GBE1: variants seen among roughly 807,000 people sequenced by gnomAD.
GBE1 encodes 1,4-alpha-glucan branching enzyme 1.
GBE1 carries 70 observed loss-of-function variants against 88.8 expected under a neutral mutation model. The observed-to-expected ratio is 0.79, with a 90% CI of 0.65 to 0.96. The LOEUF (loss-of-function observed/expected upper bound fraction) is 0.96, where lower values mean the gene tolerates loss of function less well. Among genes scored for constraint, GBE1 ranks in the 40% least tolerant of loss-of-function variants. The pLI is 0.00. For synonymous variants in GBE1, 284 were observed against 300.1 expected (o/e 0.95, Z 0.56); for missense variants, 872 against 871.0 (o/e 1.00, Z -0.01).
At chr3:81,735,132 TC>T (rs1187326636) in intron 1 of GBE1, among the ~76,000 whole-genome samples, 1 of 152,128 alleles carries the variant, frequency 6.6e-6, no homozygotes, top group African/African-American at 2.4e-5. Context: ...TTGGAACATA[TC>T]CCCCATGGAC....
chr3:81,606,876 T>A (rs1400550055), intron 7 of GBE1, among the ~76,000 whole-genome samples: 2 of 152,222 alleles, frequency 1.3e-5, no homozygotes, highest in Non-Finnish European at 2.9e-5. Context: ...ATTTTTAAAT[T>A]GATTATCAAT....
intron 12 of GBE1, among the ~76,000 whole-genome samples, chr3:81,570,696 A>G (rs1168758688): frequency 6.6e-6 from 1 of 152,200 alleles, no homozygotes; most frequent in Non-Finnish European, 1.5e-5. Context: ...AGGATGTTAT[A>G]GGCCTTCATA....
At chr3:81,648,005 A>G (rs1704790540) in intron 5 of GBE1, among the ~76,000 whole-genome samples, 1 of 152,072 alleles carries the variant, frequency 6.6e-6, no homozygotes, top group Admixed American at 6.6e-5. Flanking sequence ...ATAATAATTT[A>G]GCATAATATC....
chr3:81,636,526 T>C (rs1704593720), intron 7 of GBE1, among the ~76,000 whole-genome samples: 2 of 151,482 alleles, frequency 1.3e-5, no homozygotes, highest in East Asian at 3.9e-4. Flanking sequence ...CCATCATTTG[T>C]TTTTTGGCTT....
At chr3:81,702,064 A>G (rs1705695969) in intron 2 of GBE1, among the ~76,000 whole-genome samples, 1 of 151,140 alleles carries the variant, frequency 6.6e-6, no homozygotes, top group South Asian at 2.1e-4. Flanking sequence ...TAAGGGAAAA[A>G]TAAAATACAG....
chr3:81,636,007 T>C (rs1057281564), intron 7 of GBE1, among the ~76,000 whole-genome samples: 19 of 152,160 alleles, frequency 1.2e-4, no homozygotes, highest in African/African-American at 4.1e-4. Flanking sequence ...AGGCAGATAA[T>C]ACCAGGAACA....
At chr3:81,491,330 C>A (rs1169774865) in intron 15 of GBE1, among the ~76,000 whole-genome samples, 1 of 152,154 alleles carries the variant, frequency 6.6e-6, no homozygotes, top group Non-Finnish European at 1.5e-5. Context: ...GGTTTACCAT[C>A]TGTTTCCCTC....
At chr3:81,616,767 G>A (rs1323480985) in intron 7 of GBE1, among the ~76,000 whole-genome samples, 2 of 152,018 alleles carry the variant, frequency 1.3e-5, no homozygotes, top group African/African-American at 4.8e-5. Context: ...GTCTTAAACA[G>A]CTTTTGATTT....
chr3:81,521,086 T>C (rs933832857), intron 14 of GBE1, among the ~76,000 whole-genome samples: 4 of 151,496 alleles, frequency 2.6e-5, no homozygotes, highest in African/African-American at 9.7e-5. Context: ...TCCAACAGTT[T>C]TTGGGATGGC....
intron 7 of GBE1, among the ~76,000 whole-genome samples, chr3:81,626,191 A>G (rs1354374846): frequency 6.6e-6 from 1 of 152,222 alleles, no homozygotes; most frequent in Non-Finnish European, 1.5e-5. Flanking sequence ...TCCACTCACT[A>G]GCTCAAGCTA....
At chr3:81,540,555 T>C (rs955567137) in intron 12 of GBE1, among the ~76,000 whole-genome samples, 2 of 152,054 alleles carry the variant, frequency 1.3e-5, no homozygotes. Flanking sequence ...CAAGGATGAA[T>C]CCAAAGGGTT....
chr3:81,748,617 A>C (rs957279770), intron 1 of GBE1, among the ~76,000 whole-genome samples: 3 of 152,038 alleles, frequency 2.0e-5, no homozygotes, highest in East Asian at 1.9e-4. Context: ...CTGTCTCAAA[A>C]AACAACAACA....
At chr3:81,697,407 C>T (rs1427591171) in intron 2 of GBE1, among the ~76,000 whole-genome samples, 3 of 151,182 alleles carry the variant, frequency 2.0e-5, no homozygotes, top group Non-Finnish European at 4.4e-5. Flanking sequence ...TCAAGCGATT[C>T]TCCTGCCTCA....
chr3:81,526,750 C>T (rs1207783124), intron 14 of GBE1, among the ~76,000 whole-genome samples: 3 of 152,112 alleles, frequency 2.0e-5, no homozygotes, highest in Admixed American at 6.5e-5. Context: ...ACATTCCCTG[C>T]TCATGGGTAG....
chr3:81,631,958 T>C, intron 7 of GBE1, among the ~76,000 whole-genome samples: 1 of 152,068 alleles, frequency 6.6e-6, no homozygotes, highest in East Asian at 1.9e-4. Flanking sequence ...TCCCTCCCCT[T>C]GTCTCCCACC....
chr3:81,497,529 T>G (rs575570780), intron 15 of GBE1, among the ~76,000 whole-genome samples: 1 of 152,234 alleles, frequency 6.6e-6, no homozygotes, highest in African/African-American at 2.4e-5. Context: ...AAAGTTAAAT[T>G]AATCAATTTC....
At chr3:81,564,811 GTCTC>G (rs1703469981) in intron 12 of GBE1, among the ~76,000 whole-genome samples, 1 of 152,066 alleles carries the variant, frequency 6.6e-6, no homozygotes, top group Non-Finnish European at 1.5e-5. Flanking sequence ...AGGTCAATCT[GTCTC>G]TCTCAATCTT....
Position 81,586,097 on chromosome 3 carries a change from T to G in GBE1, c.1330A>C (p.Ile444Leu). The change falls in exon 10 of 16, where the codon ATT becomes CTT. Residue 444 changes from isoleucine to leucine, a missense_variant. Coordinates refer to ENST00000429644, the MANE Select transcript of GBE1 (RefSeq NM_000158.4). ...RLAMAIPDKW[I>L]QLLKEFKDED... ...ATATTTACATGGACTCTTACCTGAATCCACTTATCTGGAATTGCCATGGCT... is the reference window on the plus strand; with the variant it reads ...ATATTTACATGGACTCTTACCTGAAGCCACTTATCTGGAATTGCCATGGCT... 1 of 1,596,626 alleles carries G rather than the reference T, an allele frequency of 6.3e-7. No homozygotes were observed. Among genetic ancestry groups the G allele is most frequent in the Non-Finnish European group, 8.6e-7 (1 of 1,167,572 alleles).
intron 2 of GBE1, among the ~76,000 whole-genome samples, chr3:81,678,489 G>T (rs1344457009): frequency 6.6e-6 from 1 of 152,086 alleles, no homozygotes; most frequent in African/African-American, 2.4e-5. Context: ...TACTTTCTAT[G>T]TAACAAAGGG....
Sources: gnomAD v4.1 joint callset for allele counts (sites outside exome capture counted in the v4.1 genomes callset) on GRCh38, gnomAD v4.1.1 for gene constraint, MANE v1.5 for transcripts, NCBI Gene and HGNC (gene_info 2026-07-23, HGNC 2026-07-21) for gene names.